The following FAM135B variants were observed in gnomAD, a reference collection of about 807,000 sequenced individuals.
FAM135B encodes protein FAM135B.
In FAM135B, 43 loss-of-function variants were observed where a neutral mutation model predicts 127.7. The ratio of observed to expected loss-of-function variants is 0.34; its 90% CI spans 0.26 to 0.43. The LOEUF is 0.43. FAM135B is among the 20% of genes least tolerant of loss of function. The pLI, the probability that FAM135B is intolerant of heterozygous loss-of-function variation, is 1.00. For missense variants in FAM135B, 1,558 were observed against 1,725.6 expected (o/e 0.90, Z 1.72); for synonymous variants, 670 against 665.1 (o/e 1.01, Z -0.11).
At chr8:138,145,635 G>A (rs1009647277) in intron 15 of FAM135B, among the ~76,000 whole-genome samples, 6 of 152,186 alleles carry the variant, frequency 3.9e-5, no homozygotes, top group African/African-American at 1.2e-4. Flanking sequence ...AGGTGCCCAA[G>A]TAAAGGCAGC....
chr8:138,271,351 T>C (rs539333323), intron 3 of FAM135B, among the ~76,000 whole-genome samples: 2 of 152,346 alleles, frequency 1.3e-5, no homozygotes, highest in Admixed American at 1.3e-4. Flanking sequence ...TATTGGATAT[T>C]TTGTTTTCAT....
chr8:138,429,474 C>T (rs549381320), intron 1 of FAM135B, among the ~76,000 whole-genome samples: 20 of 152,120 alleles, frequency 1.3e-4, no homozygotes, highest in Non-Finnish European at 2.5e-4. Context: ...TTTAACTGCA[C>T]CTTCTTGGCA....
intron 2 of FAM135B, among the ~76,000 whole-genome samples, chr8:138,321,770 T>C (rs962446003): frequency 6.6e-6 from 1 of 152,212 alleles, no homozygotes; most frequent in Non-Finnish European, 1.5e-5. Context: ...ACAATGATGA[T>C]GAAGATGGCT....
At chr8:138,200,576 A>T (rs904371251) in intron 7 of FAM135B, among the ~76,000 whole-genome samples, 1 of 152,240 alleles carries the variant, frequency 6.6e-6, no homozygotes, top group Non-Finnish European at 1.5e-5. Flanking sequence ...ATACGGTGAA[A>T]CAAACAAAAC....
At position 138,281,466 on chromosome 8, in the gene FAM135B, T is replaced by TAAA. The variant is rs5895509; in HGVS notation, c.158-15627_158-15625dup. ...GATTTCCGTCCCCTTAGCATCAGTT[T>TAAA]AAAAAAAAAAAATCCTATTGAGGTA... On this transcript the variant is annotated intron_variant, in intron 3 of 19. Coordinates refer to ENST00000395297, the MANE Select transcript of FAM135B (RefSeq NM_015912.4). Among the ~76,000 whole-genome samples, 254 of 148,064 alleles carry TAAA rather than the reference T, an allele frequency of 1.7e-3. No homozygotes were observed. In the East Asian group the frequency reaches 0.019, roughly 11 times the overall value.
Position 138,197,530 on chromosome 8 carries a change from G to A in FAM135B, c.809C>T (p.Pro270Leu), listed in dbSNP as rs1329598097. The A allele has an allele frequency of 1.2e-6, 2 of 1,613,960 alleles. No individual in the cohort carries two copies. The highest frequency in any genetic ancestry group is 8.5e-7 in the Non-Finnish European group (1 of 1,179,950). Reference protein sequence around the residue: ...LVIMRDIPELPHTELEALAVE... With the variant: ...LVIMRDIPELLHTELEALAVE... ...TGGGCCCTTACCCAGCTCCGTGTGTGGCAGCTCTGGGATGTCCCGCATGAT... is the reference window on the plus strand; with the variant it reads ...TGGGCCCTTACCCAGCTCCGTGTGTAGCAGCTCTGGGATGTCCCGCATGAT... The change falls in exon 8 of 20, where the codon CCA becomes CTA. Residue 270 changes from proline (P) to leucine (L), a missense_variant. Pro to Leu is a moderately conservative substitution (Grantham distance 98). Coordinates refer to ENST00000395297, the MANE Select transcript of FAM135B (RefSeq NM_015912.4).
At chr8:138,314,181 A>G (rs531186286) in intron 2 of FAM135B, among the ~76,000 whole-genome samples, 233 of 152,316 alleles carry the variant, frequency 1.5e-3, no homozygotes, top group Non-Finnish European at 5.1e-4. Context: ...ATGAATCAAC[A>G]GTACATATTA....
At chr8:138,161,988 C>G (rs914930268) in intron 12 of FAM135B, among the ~76,000 whole-genome samples, 3 of 152,056 alleles carry the variant, frequency 2.0e-5, no homozygotes, top group African/African-American at 7.2e-5. Context: ...AGAATTCCAA[C>G]AAAACAAATA....
At chr8:138,367,260 A>C (rs1336991099) in intron 2 of FAM135B, 1 of 374,518 alleles carries the variant, frequency 2.7e-6, no homozygotes, top group Non-Finnish European at 5.3e-6. Context: ...AGTAGTAGCA[A>C]TCATCATGAA....
intron 7 of FAM135B, among the ~76,000 whole-genome samples, chr8:138,224,948 A>G (rs903023390): frequency 6.6e-6 from 1 of 152,050 alleles, no homozygotes; most frequent in Non-Finnish European, 1.5e-5. Flanking sequence ...GCGGGGATGG[A>G]AAAAAAAGGA....
In FAM135B at chr8:138,473,780, C is replaced by T. The variant is rs944219772; in HGVS notation, c.-20+22891G>A. Among the ~76,000 whole-genome samples the T allele has an allele frequency of 3.3e-5, 5 of 151,988 alleles. No homozygotes were observed. In the East Asian group the frequency reaches 5.8e-4, roughly 18 times the overall value. On this transcript the variant is annotated intron_variant, in intron 1 of 19. Transcript: ENST00000395297. ...GAAAACAAATAAGAACAGAATTGTT[C>T]GTGACTTATTGATAGTCATGTTAAA... is the stretch of plus-strand genomic sequence containing the variant.
intron 2 of FAM135B, among the ~76,000 whole-genome samples, chr8:138,344,428 A>C (rs1314913868): frequency 6.6e-6 from 1 of 152,050 alleles, no homozygotes; most frequent in East Asian, 1.9e-4. Flanking sequence ...GGGTTGCACG[A>C]CTGCCCTTCC....
intron 3 of FAM135B, among the ~76,000 whole-genome samples, chr8:138,278,145 T>C (rs1823974251): frequency 1.3e-5 from 2 of 151,912 alleles, no homozygotes; most frequent in Non-Finnish European, 2.9e-5. Context: ...TAAATGAGCA[T>C]AGGAGAACAG....
intron 7 of FAM135B, among the ~76,000 whole-genome samples, chr8:138,226,582 G>T (rs1586823480): frequency 1.3e-5 from 2 of 152,200 alleles, no homozygotes; most frequent in East Asian, 3.9e-4. Flanking sequence ...TTTTGAGATG[G>T]AGGCTCACTC....
intron 1 of FAM135B, among the ~76,000 whole-genome samples, chr8:138,478,224 A>G (rs1431085148): frequency 6.6e-6 from 1 of 152,082 alleles, no homozygotes; most frequent in East Asian, 1.9e-4. Context: ...CTAGTCACAC[A>G]TGCTCTCTGA....
chr8:138,272,929 A>T (rs1408483659), intron 3 of FAM135B, among the ~76,000 whole-genome samples: 2 of 152,184 alleles, frequency 1.3e-5, no homozygotes, highest in East Asian at 3.9e-4. Context: ...TGAACAAAGA[A>T]CTTACCCAGT....
chr8:138,198,600 C>A (rs561309299), intron 7 of FAM135B, among the ~76,000 whole-genome samples: 48 of 152,334 alleles, frequency 3.2e-4, no homozygotes, highest in Admixed American at 3.0e-3. Context: ...CACCTGTAAA[C>A]AGCTCTGCAT....
At chr8:138,233,152 GC>G (rs1333488752) in intron 7 of FAM135B, among the ~76,000 whole-genome samples, 1 of 152,078 alleles carries the variant, frequency 6.6e-6, no homozygotes, top group Non-Finnish European at 1.5e-5. Flanking sequence ...AAAGCTGCAG[GC>G]ATCACACTTC....
rs375524781 is a variant in FAM135B, at chr8:138,148,483, G to A, written c.3448+37C>T. On this transcript the variant is annotated intron_variant, in intron 14 of 19. Coordinates refer to ENST00000395297, the MANE Select transcript of FAM135B (RefSeq NM_015912.4). ...CATAAATATTATAAGTTGTATATAT[G>A]ACAGAATTTGGGAAGAAAACTTGTT... is the stretch of plus-strand genomic sequence containing the variant. The A allele has an allele frequency of 1.1e-4, 166 of 1,565,948 alleles. No individual in the cohort carries two copies. The African/African-American group carries it at 1.9e-3, about 18-fold the overall frequency.
Sources: gnomAD v4.1 joint callset for allele counts (sites outside exome capture counted in the v4.1 genomes callset) on GRCh38, gnomAD v4.1.1 for gene constraint, MANE v1.5 for transcripts, NCBI Gene and HGNC (gene_info 2026-07-23, HGNC 2026-07-21) for gene names.